The following GOLGA4 variants were observed in gnomAD, a reference collection of about 807,000 sequenced individuals.
The protein encoded by GOLGA4 is golgin subfamily A member 4.
GOLGA4 carries 169 observed loss-of-function variants against 265.9 expected under a neutral mutation model. The ratio of observed to expected loss-of-function variants is 0.64; its 90% CI spans 0.56 to 0.72. GOLGA4 has a LOEUF of 0.72. Among genes scored for constraint, GOLGA4 ranks in the 30% least tolerant of loss-of-function variants. The pLI is 0.00. For synonymous variants in GOLGA4, 923 were observed against 855.8 expected (o/e 1.08, Z -1.37); for missense variants, 2,482 against 2,483.4 (o/e 1.00, Z 0.01).
chr3:37,249,407 TTTC>T (rs2096727944), intron 1 of GOLGA4, among the ~76,000 whole-genome samples: 1 of 152,232 alleles, frequency 6.6e-6, no homozygotes, highest in South Asian at 2.1e-4. Flanking sequence ...ATTGATTGAT[TTTC>T]TTGTTTATAT....
intron 9 of GOLGA4, among the ~76,000 whole-genome samples, chr3:37,301,118 G>C (rs1476409755): frequency 1.3e-5 from 2 of 152,190 alleles, no homozygotes; most frequent in Non-Finnish European, 2.9e-5. Context: ...ACCCTGTGGA[G>C]AGGGTGCTAA....
intron 1 of GOLGA4, among the ~76,000 whole-genome samples, chr3:37,246,625 G>A (rs1452213029): frequency 6.6e-6 from 1 of 152,146 alleles, no homozygotes; most frequent in Non-Finnish European, 1.5e-5. Flanking sequence ...GAGAGAATGG[G>A]GAGTTACTGT....
chr3:37,356,165 A>G (rs1218891568), intron 22 of GOLGA4, among the ~76,000 whole-genome samples: 1 of 152,116 alleles, frequency 6.6e-6, no homozygotes, highest in African/African-American at 2.4e-5. Flanking sequence ...GTTCTAACTC[A>G]TAGAATTCAA....
chr3:37,311,659 T>A (rs934884030), intron 10 of GOLGA4, among the ~76,000 whole-genome samples: 1 of 152,310 alleles, frequency 6.6e-6, no homozygotes, highest in African/African-American at 2.4e-5. Context: ...AGGTGTGAAA[T>A]TATTTGGTTC....
chr3:37,329,645 ATACT>A (rs1447280492), intron 16 of GOLGA4, among the ~76,000 whole-genome samples: 1 of 152,198 alleles, frequency 6.6e-6, no homozygotes, highest in African/African-American at 2.4e-5. Context: ...TTATTTCAAA[ATACT>A]TACTCTACTA....
At chr3:37,335,955 G>T (rs2097010473) in intron 17 of GOLGA4, among the ~76,000 whole-genome samples, 1 of 152,080 alleles carries the variant, frequency 6.6e-6, no homozygotes, top group Non-Finnish European at 1.5e-5. Context: ...CAGTCATGGG[G>T]GTAATGGGAA....
At chr3:37,282,806 CCT>C (rs1394772977) in intron 3 of GOLGA4, among the ~76,000 whole-genome samples, 1 of 152,168 alleles carries the variant, frequency 6.6e-6, no homozygotes, top group Non-Finnish European at 1.5e-5. Context: ...AATGACACTC[CCT>C]GTTTGGTCTA....
intron 2 of GOLGA4, among the ~76,000 whole-genome samples, chr3:37,267,955 A>T (rs543797020): frequency 6.6e-6 from 1 of 152,328 alleles, no homozygotes; most frequent in East Asian, 1.9e-4. Context: ...GTGATGGCTT[A>T]GCTTGGGTCT....
chr3:37,356,600 G>T (rs1250165612), intron 22 of GOLGA4, among the ~76,000 whole-genome samples: 1 of 152,080 alleles, frequency 6.6e-6, no homozygotes, highest in Non-Finnish European at 1.5e-5. Context: ...TCAACAGAGA[G>T]AATGTTGTTT....
intron 16 of GOLGA4, 73 bp downstream of exon 16, chr3:37,329,166 T>G: frequency 7.8e-7 from 1 of 1,289,332 alleles, no homozygotes; most frequent in Non-Finnish European, 1.1e-6. Flanking sequence ...GCCAAAGATT[T>G]CCTTTTCAAA....
At chr3:37,365,468 A>G (rs1290639137) in intron 23 of GOLGA4, among the ~76,000 whole-genome samples, 1 of 152,128 alleles carries the variant, frequency 6.6e-6, no homozygotes, top group Non-Finnish European at 1.5e-5. Flanking sequence ...GGGTTTTGCC[A>G]TGTTGGCCAG....
chr3:37,343,178 A>G (rs578096155), intron 20 of GOLGA4, among the ~76,000 whole-genome samples: 2 of 151,816 alleles, frequency 1.3e-5, no homozygotes, highest in South Asian at 2.1e-4. Flanking sequence ...CTGGAGCGCA[A>G]TGGCGCGATC....
chr3:37,340,963 C>A (rs918911410), intron 20 of GOLGA4, among the ~76,000 whole-genome samples: 2 of 151,956 alleles, frequency 1.3e-5, no homozygotes, highest in Non-Finnish European at 2.9e-5. Flanking sequence ...GTCAGGAGAT[C>A]AAGACCATCC....
chr3:37,254,589 A>T (rs1166820889), intron 2 of GOLGA4, among the ~76,000 whole-genome samples: 1 of 151,664 alleles, frequency 6.6e-6, no homozygotes, highest in Non-Finnish European at 1.5e-5. Context: ...GCTCACTGCA[A>T]CCTCCGCCTC....
chr3:37,255,702 A>G (rs1339677740), intron 2 of GOLGA4, among the ~76,000 whole-genome samples: 1 of 152,076 alleles, frequency 6.6e-6, no homozygotes, highest in East Asian at 1.9e-4. Context: ...GCGGTGGACA[A>G]ATATTTATGT....
chr3:37,342,285 A>G (rs1211700053), intron 20 of GOLGA4, among the ~76,000 whole-genome samples: 2 of 152,186 alleles, frequency 1.3e-5, no homozygotes, highest in African/African-American at 4.8e-5. Flanking sequence ...CTGGGGTTGC[A>G]GTGAGCCAAG....
At chr3:37,313,291 A>G (rs139525454) in intron 10 of GOLGA4, 1 of 152,372 alleles carries the variant, frequency 6.6e-6, no homozygotes, top group East Asian at 1.9e-4. Flanking sequence ...TGTTACCAGA[A>G]TTCACCCTTC....
chr3:37,359,793 A>G (rs894870671), intron 22 of GOLGA4, among the ~76,000 whole-genome samples: 14 of 152,108 alleles, frequency 9.2e-5, no homozygotes, highest in African/African-American at 2.9e-4. Flanking sequence ...TTCCATTCCC[A>G]CACGAGGTTT....
At position 37,258,055 on chromosome 3, in the gene GOLGA4, A is replaced by G. The variant is rs1218260082; in HGVS notation, c.162+6571A>G. 2.4e-4 allele frequency among the ~76,000 whole-genome samples: 19 copies of G among 79,404 alleles called. 1 individual carries two copies. Among genetic ancestry groups the G allele is most frequent in the African/African-American group, 8.8e-4 (18 of 20,484 alleles). The allele number at this position is 79,404 out of a possible 152,430, so 52.1% of individuals were successfully genotyped here. ...TATGTATATATACATACATATATATATGTATGTATATATGTATATATATAT... is the reference window on the plus strand; with the variant it reads ...TATGTATATATACATACATATATATGTGTATGTATATATGTATATATATAT... On this transcript the variant is annotated intron_variant, in intron 2 of 23. Transcript: ENST00000361924.
Sources: allele counts gnomAD v4.1 joint callset (sites outside exome capture counted in the v4.1 genomes callset), GRCh38; gene constraint gnomAD v4.1.1; transcripts MANE v1.5; gene names NCBI Gene and HGNC (gene_info 2026-07-23, HGNC 2026-07-21).